SH3GLB2: variants seen among roughly 807,000 people sequenced by gnomAD.
SH3GLB2 encodes the protein endophilin-B2.
A neutral mutation model predicts 48.0 loss-of-function variants in SH3GLB2; 24 were observed. The ratio of observed to expected loss-of-function variants is 0.50; its 90% CI spans 0.36 to 0.70. The LOEUF (loss-of-function observed/expected upper bound fraction) is 0.70. Ranked by LOEUF, SH3GLB2 falls within the 30% of genes least tolerant of loss-of-function variation. SH3GLB2 has a pLI of 0.00. For synonymous variants in SH3GLB2, 227 were observed against 207.6 expected, an observed-to-expected ratio of 1.09 and a Z score of -0.80; for missense variants, 425 against 516.0, an observed-to-expected ratio of 0.82 and a Z score of 1.71.
rs1842900241 is a variant in SH3GLB2, at chr9:129,008,621, T to C, written c.*63A>G. Reference sequence around the variant, plus strand: ...CTGTGTCACCAACAAACAAGTTAAGTGGCAGGGCTGCGCCCATCCTCTCCT... The same window carrying C: ...CTGTGTCACCAACAAACAAGTTAAGCGGCAGGGCTGCGCCCATCCTCTCCT... On this transcript the variant is annotated 3_prime_UTR_variant, in exon 11 of 11. Coordinates refer to ENST00000372564, the MANE Select transcript of SH3GLB2 (RefSeq NM_020145.4). The C allele has an allele frequency of 8.0e-7, 1 of 1,257,094 alleles. No individual in the cohort carries two copies. Among genetic ancestry groups the C allele is most frequent in the African/African-American group, 1.5e-5 (1 of 68,232 alleles). The allele number at this position is 1,257,094 out of a possible 1,614,324, so 77.9% of individuals were successfully genotyped here. A position where few individuals can be genotyped will look rare whatever the true frequency, so the allele number is the denominator to read the frequency against.
intron 9 of SH3GLB2, 169 bp from the exon 10 acceptor site, chr9:129,009,515 C>T (rs757340095): frequency 1.2e-4 from 187 of 1,548,306 alleles, no homozygotes; most frequent in Middle Eastern, 6.8e-4. Context: ...TGAGATGGCC[C>T]CACCCCCTGG....
intron 3 of SH3GLB2, among the ~76,000 whole-genome samples, chr9:129,019,895 T>C (rs569866715): frequency 1.3e-5 from 2 of 150,914 alleles, no homozygotes; most frequent in Admixed American, 6.6e-5. Flanking sequence ...ACCTGTAATA[T>C]GATGTCAAGT....
intron 1 of SH3GLB2, among the ~76,000 whole-genome samples, chr9:129,024,631 G>A (rs1274358516): frequency 1.3e-5 from 2 of 152,004 alleles, no homozygotes; most frequent in Non-Finnish European, 2.9e-5. Context: ...GCTGAGGTGG[G>A]AGCCCAGGAG....
At chr9:129,023,347 C>T (rs1200304434) in intron 1 of SH3GLB2, among the ~76,000 whole-genome samples, 1 of 152,186 alleles carries the variant, frequency 6.6e-6, no homozygotes, top group African/African-American at 2.4e-5. Flanking sequence ...CAACCAGAAA[C>T]TGGTCCAAGT....
rs1842878981 is a variant in SH3GLB2, at chr9:129,008,298, A to G, written c.*386T>C. 4.4e-6 allele frequency: 1 copy of G among 228,638 alleles called. No homozygotes were observed. The highest frequency in any genetic ancestry group is 8.9e-6 in the Non-Finnish European group (1 of 112,376). The allele number at this position is 228,638 out of a possible 1,614,324, so 14.2% of individuals were successfully genotyped here. ...GTGCCTTGCCGCATTCCCCTGATGC[A>G]GCTTTTGGCAACTGAAAGGCAGGGC... On this transcript the variant is annotated 3_prime_UTR_variant, in exon 11 of 11. Coordinates refer to ENST00000372564, the MANE Select transcript of SH3GLB2 (RefSeq NM_020145.4).
rs1843023594 is a variant in SH3GLB2 at position 129,010,089 on chromosome 9, A to T, written c.738+31T>A. ...GCACACCTGGTGCCTGCTGAGGGTT[A>T]GGTTTAGTGAGGGTGGGCAGTGGGA... On this transcript the variant is annotated intron_variant, in intron 8 of 10. Transcript: ENST00000372564. The T allele has an allele frequency of 1.9e-6, 3 of 1,594,226 alleles. No homozygotes were observed. In the East Asian group the frequency reaches 6.7e-5, roughly 36 times the overall value.
intron 1 of SH3GLB2, among the ~76,000 whole-genome samples, chr9:129,025,148 C>T (rs936661844): frequency 1.1e-4 from 17 of 151,106 alleles, no homozygotes; most frequent in African/African-American, 3.9e-4. Context: ...TGGTGGTGGG[C>T]GCCTGTAATC....
At chr9:129,022,465 T>G in intron 1 of SH3GLB2, 42 bp from the exon 2 acceptor site, 4 of 1,213,050 alleles carry the variant, frequency 3.3e-6, no homozygotes, top group Non-Finnish European at 4.7e-6. Context: ...GGGGGAGAGC[T>G]CAGAAGGAGG....
intron 1 of SH3GLB2, among the ~76,000 whole-genome samples, chr9:129,027,405 C>T (rs1844221940): frequency 6.6e-6 from 1 of 152,176 alleles, no homozygotes; most frequent in African/African-American, 2.4e-5. Flanking sequence ...CCACCCACAC[C>T]TGACCCTAGG....
rs985494641 is a variant in SH3GLB2 at position 129,009,312 on chromosome 9, C to T, written c.874G>A (p.Ala292Thr). The T allele has an allele frequency of 1.4e-5, 22 of 1,543,892 alleles. No individual in the cohort carries two copies. The highest frequency in any genetic ancestry group is 8.2e-5 in the African/African-American group (6 of 73,176). The change falls in exon 10 of 11, where the codon GCC becomes ACC. Residue 292 changes from alanine to threonine, a missense_variant. Transcript: ENST00000372564. ...GAGGTGCTGCTCAGGGGTGGGGAGG[C>T]GGGCTCTGTGGTGCCCACGAAGGTG... ...PGTFVGTTEP[A>T]SPPLSSTSPT...
At chr9:129,015,800 G>A (rs1367806416) in intron 3 of SH3GLB2, 1 of 315,902 alleles carries the variant, frequency 3.2e-6, no homozygotes, top group Non-Finnish European at 6.6e-6. Flanking sequence ...AGGAGTTTGA[G>A]GCTATAGTAG....
chr9:129,010,152 G>A lies in SH3GLB2; in HGVS notation c.706C>T (p.Arg236Cys), dbSNP rs751889695. The A allele has an allele frequency of 2.4e-5, 38 of 1,613,872 alleles. No individual in the cohort carries two copies. In the Middle Eastern group the frequency reaches 9.9e-4, roughly 42 times the overall value. The change falls in exon 8 of 11, where the codon CGT (arginine) becomes TGT (cysteine). Residue 236 changes from arginine (R) to cysteine (C), a missense_variant. By Grantham distance (180) the Arg-to-Cys change is radical. Transcript: ENST00000372564. Reference sequence around the variant, plus strand: ...CTACTGATTCCCTCCAGCAAGAGACGGGTCACTTCTGCTTGCCGGTCAAAC... The same window carrying A: ...CTACTGATTCCCTCCAGCAAGAGACAGGTCACTTCTGCTTGCCGGTCAAAC... ...TEFDRQAEVTRLLLEGISSTH... is the reference protein window; with the variant it reads ...TEFDRQAEVTCLLLEGISSTH...
At chr9:129,009,024 C>T in intron 10 of SH3GLB2, 82 bp downstream of exon 10, 1 of 1,581,782 alleles carries the variant, frequency 6.3e-7, no homozygotes, top group Non-Finnish European at 8.6e-7. Context: ...AGGGCCCCTC[C>T]AGGCCCCATG....
intron 3 of SH3GLB2, 26 bp downstream of exon 3, chr9:129,021,065 A>AG: frequency 1.9e-6 from 3 of 1,551,734 alleles, no homozygotes; most frequent in Non-Finnish European, 2.6e-6. Context: ...CATGACCCCT[A>AG]GTCCCTGGCT....
In SH3GLB2 at chr9:129,014,071, T is replaced by C; in HGVS notation, c.561+340A>G. The C allele has an allele frequency of 1.8e-6, 1 of 547,368 alleles. No homozygotes were observed. The highest frequency in any genetic ancestry group is 1.5e-5 in the South Asian group (1 of 65,318). 33.9% of individuals were successfully genotyped at this position (547,368 alleles called of 1,614,324 possible). On this transcript the variant is annotated intron_variant, in intron 5 of 10. Transcript: ENST00000372564. The surrounding 1 kb of genome is among the most constrained non-coding windows in gnomAD (Gnocchi z 4.1). ...GCAAGTAGTAGAGTTAGTAAGAAGG[T>C]GCCATGCCCGGGCAGAGCCGGGGAC... is the stretch of plus-strand genomic sequence containing the variant.
intron 1 of SH3GLB2, among the ~76,000 whole-genome samples, chr9:129,026,942 C>T (rs1844197728): frequency 6.6e-6 from 1 of 152,214 alleles, no homozygotes; most frequent in African/African-American, 2.4e-5. Context: ...AACATGACTA[C>T]ATGGGTTGCT....
chr9:129,012,161 T>C, intron 6 of SH3GLB2, 75 bp downstream of exon 6: 1 of 835,672 alleles, frequency 1.2e-6, no homozygotes, highest in South Asian at 5.5e-5. Context: ...CTAGCTCCTG[T>C]GCAGTCAGAG....
chr9:129,021,165 C>G lies in SH3GLB2; in HGVS notation c.260G>C (p.Arg87Thr). The stretch of plus-strand genomic sequence containing the variant: ...AGCCAGCAGCTCCCCGTTGGTGACC[C>G]TTGAGGGGACCTTCCTGTCCAGCTT... ...YEKLDRKVPS[R>T]VTNGELLAQY... Residue 87 changes from arginine to threonine, a missense_variant, in exon 3 of 11, where the codon AGG becomes ACG. Physicochemically the swap from Arg to Thr is moderately conservative, Grantham distance 71 (BLOSUM62 -1). Transcript: ENST00000372564. 1.9e-6 allele frequency: 3 copies of G among 1,612,184 alleles called. No homozygotes were observed. The highest frequency in any genetic ancestry group is 2.5e-6 in the Non-Finnish European group (3 of 1,179,708).
chr9:129,010,225 C>A lies in SH3GLB2; in HGVS notation c.649-16G>T, dbSNP rs1356506462. 6.2e-7 allele frequency: 1 copy of A among 1,610,426 alleles called. No individual in the cohort carries two copies. Among genetic ancestry groups the A allele is most frequent in the African/African-American group, 1.3e-5 (1 of 74,844 alleles). ...CCTGCTCGGCCTGGGCAGGGCAGGGCAGCCATGAGCACCCACACACCACCC... is the reference window on the plus strand; with the variant it reads ...CCTGCTCGGCCTGGGCAGGGCAGGGAAGCCATGAGCACCCACACACCACCC... On this transcript the variant is annotated splice_polypyrimidine_tract_variant and intron_variant, in intron 7 of 10. Transcript: ENST00000372564.
Sources: gnomAD v4.1 joint callset for allele counts (sites outside exome capture counted in the v4.1 genomes callset) on GRCh38, gnomAD v4.1.1 for gene constraint, Gnocchi (gnomAD v3.1) non-coding constraint, MANE v1.5 for transcripts, NCBI Gene and HGNC (gene_info 2026-07-23, HGNC 2026-07-21) for gene names.